Variants in PTCRA observed in about 807,000 individuals in gnomAD.
The protein encoded by PTCRA is pre T-cell antigen receptor alpha.
PTCRA carries 9 observed loss-of-function variants against 13.4 expected under a neutral mutation model. That is an observed-to-expected ratio of 0.67 (90% CI 0.41 to 1.18). The LOEUF is 1.18. Ranked by LOEUF, PTCRA falls within the 50% of genes most tolerant of loss-of-function variation. The pLI, the probability that PTCRA is intolerant of heterozygous loss-of-function variation, is 0.01. For synonymous variants in PTCRA, 153 were observed against 161.9 expected, an observed-to-expected ratio of 0.94 and a Z score of 0.42; for missense variants, 353 against 359.8, an observed-to-expected ratio of 0.98 and a Z score of 0.15.
intron 3 of PTCRA, 29 bp downstream of exon 3, chr6:42,924,302 T>A (rs1562530140): frequency 5.6e-6 from 9 of 1,609,102 alleles, no homozygotes; most frequent in Non-Finnish European, 6.8e-6. Context: ...GGGTGGGGAA[T>A]AAGAGGCTGG....
Position 42,916,065 on chromosome 6 carries a change from G to C in PTCRA, c.-5G>C. 6.2e-7 allele frequency: 1 copy of C among 1,613,664 alleles called. No homozygotes were observed. ...AGCTGGGTCCTGCCTCCTTCCGAGT[G>C]GGCCATGGCCGGTACATGGCTGCTA... On this transcript the variant is annotated 5_prime_UTR_variant, in exon 1 of 4. Coordinates refer to ENST00000304672, the MANE Select transcript of PTCRA (RefSeq NM_138296.3).
intron 1 of PTCRA, chr6:42,922,234 T>C (rs1171593906): frequency 2.8e-6 from 2 of 702,712 alleles, no homozygotes; most frequent in African/African-American, 3.5e-5. Context: ...TTTCCTTCCC[T>C]TCCTCACCAG....
chr6:42,924,784 A>G (rs879823608), intron 3 of PTCRA, among the ~76,000 whole-genome samples: 15 of 152,096 alleles, frequency 9.9e-5, no homozygotes, highest in Admixed American at 9.8e-4. Context: ...CAGCCTGGCC[A>G]ACATGGTGAA....
Position 42,925,436 on chromosome 6 carries a change from G to A in PTCRA, c.600G>A (p.Thr200=), listed in dbSNP as rs775271650. ...ALGSHRLHPA[T]ETGGREATSS... ...GCTCCCATCGACTGCACCCGGCCAC[G>A]GAGACTGGGGGACGAGAGGCCACCA... Residue 200 remains threonine, a synonymous_variant, in exon 4 of 4, where the codon ACG becomes ACA. Transcript: ENST00000304672. This position sits in a 1 kb window ranked among gnomAD's most constrained non-coding sequence, Gnocchi z 4.4. The A allele has an allele frequency of 3.3e-5, 51 of 1,554,952 alleles. No individual in the cohort carries two copies. Among genetic ancestry groups the A allele is most frequent in the Admixed American group, 7.8e-5 (4 of 51,508 alleles).
intron 1 of PTCRA, among the ~76,000 whole-genome samples, chr6:42,917,249 G>T (rs1440425554): frequency 6.8e-6 from 1 of 146,766 alleles, no homozygotes; most frequent in Non-Finnish European, 1.5e-5. Flanking sequence ...TTGAGACAGA[G>T]TCTCGCACTG....
chr6:42,921,412 CTTTTTT>C (rs59029514), intron 1 of PTCRA, among the ~76,000 whole-genome samples: 1 of 85,640 alleles, frequency 1.2e-5, no homozygotes, highest in Non-Finnish European at 2.1e-5. Flanking sequence ...AACAAAGCTT[CTTTTTT>C]TTTTTTTTTT....
chr6:42,916,648 C>A (rs1312087383), intron 1 of PTCRA, among the ~76,000 whole-genome samples: 2 of 152,166 alleles, frequency 1.3e-5, no homozygotes, highest in Non-Finnish European at 1.5e-5. Context: ...CCCAAGGCCT[C>A]TTCCCAGGGT....
In PTCRA at chr6:42,923,082, T is replaced by C; in HGVS notation, c.114T>C (p.Asp38=). 1 of 1,614,192 alleles carries C rather than the reference T, an allele frequency of 6.2e-7. No individual in the cohort carries two copies. ...CCCCACCAATCATGCTGCTGGTGGA[T>C]GGAAAGCAGCAGATGGTGGTGGTCT... is the stretch of plus-strand genomic sequence containing the variant. The part of the protein sequence containing the change: ...SLAPPIMLLV[D]GKQQMVVVCL... The change falls in exon 2 of 4, where the codon GAT becomes GAC. Residue 38 remains aspartate, a synonymous_variant. Coordinates refer to ENST00000304672, the MANE Select transcript of PTCRA (RefSeq NM_138296.3).
In PTCRA at chr6:42,923,086, A is replaced by G. The variant is rs781681295; in HGVS notation, c.118A>G (p.Lys40Glu). The G allele has an allele frequency of 5.6e-6, 9 of 1,614,188 alleles. No homozygotes were observed. The Admixed American group carries it at 1.2e-4, about 21-fold the overall frequency. Residue 40 changes from lysine (K) to glutamate (E), a missense_variant, in exon 2 of 4, where the codon AAG becomes GAG. Transcript: ENST00000304672. ...APPIMLLVDGKQQMVVVCLVL... is the reference protein window; with the variant it reads ...APPIMLLVDGEQQMVVVCLVL... ...ACCAATCATGCTGCTGGTGGATGGA[A>G]AGCAGCAGATGGTGGTGGTCTGCCT...
intron 1 of PTCRA, among the ~76,000 whole-genome samples, chr6:42,921,302 A>G (rs1767144877): frequency 6.7e-6 from 1 of 150,346 alleles, no homozygotes; most frequent in Non-Finnish European, 1.5e-5. Context: ...GGGTTCCACC[A>G]TGTTGGCCAG....
intron 1 of PTCRA, among the ~76,000 whole-genome samples, chr6:42,916,783 C>T (rs1766894508): frequency 6.6e-6 from 1 of 152,150 alleles, no homozygotes; most frequent in South Asian, 2.1e-4. Flanking sequence ...AGGTCCATGA[C>T]TTTTGAGTCA....
rs927149579 is a variant in PTCRA, at chr6:42,922,609, G to A, written c.59-418G>A. On this transcript the variant is annotated intron_variant, in intron 1 of 3. Coordinates refer to ENST00000304672, the MANE Select transcript of PTCRA (RefSeq NM_138296.3). ...ATAAAAATTAGCCGGGCGCTGTGGCGGGCACCTGTAGTCCCAGCTACTCAG... is the reference window on the plus strand; with the variant it reads ...ATAAAAATTAGCCGGGCGCTGTGGCAGGCACCTGTAGTCCCAGCTACTCAG... Among the ~76,000 whole-genome samples the A allele has an allele frequency of 5.3e-5, 8 of 151,970 alleles. No homozygotes were observed. The East Asian group carries it at 5.8e-4, about 11-fold the overall frequency.
intron 1 of PTCRA, among the ~76,000 whole-genome samples, chr6:42,922,647 G>A (rs1767237669): frequency 6.6e-6 from 1 of 152,034 alleles, no homozygotes; most frequent in Non-Finnish European, 1.5e-5. Flanking sequence ...GGCTGAGGCA[G>A]GAGAATGGCA....
At position 42,925,032 on chromosome 6, in the gene PTCRA, G is replaced by A. The variant is rs781520236; in HGVS notation, c.425-229G>A. ...GCATCAGATGCTAATTAATTCCTGC[G>A]TGGCCCCCACCCCTACCCCCATGAT... On this transcript the variant is annotated intron_variant, in intron 3 of 3. Transcript: ENST00000304672. The surrounding 1 kb of genome is among the most constrained non-coding windows in gnomAD (Gnocchi z 4.4). 1.1e-4 allele frequency among the ~76,000 whole-genome samples: 16 copies of A among 151,900 alleles called. No homozygotes were observed. Among genetic ancestry groups the A allele is most frequent in the Non-Finnish European group, 2.2e-4 (15 of 67,974 alleles).
In PTCRA at chr6:42,923,459, C is replaced by T. The variant is rs1421276179; in HGVS notation, c.379+112C>T. ...CACAAAGGCATGAAGGGTGTCCAAGCGCAGAGCCTCTGGGTGAGGTGACAC... is the reference window on the plus strand; with the variant it reads ...CACAAAGGCATGAAGGGTGTCCAAGTGCAGAGCCTCTGGGTGAGGTGACAC... On this transcript the variant is annotated intron_variant, in intron 2 of 3. Transcript: ENST00000304672. The T allele has an allele frequency of 2.0e-5, 21 of 1,039,248 alleles. No homozygotes were observed. In the South Asian group the frequency reaches 2.7e-4, roughly 13 times the overall value. 64.4% of individuals were successfully genotyped at this position (1,039,248 alleles called of 1,614,324 possible).
chr6:42,924,205 C>T (rs1767317884), intron 2 of PTCRA, 24 bp from the exon 3 acceptor site: 1 of 1,598,110 alleles, frequency 6.3e-7, no homozygotes, highest in Non-Finnish European at 8.5e-7. Flanking sequence ...CCCAAAGACT[C>T]ATTCGCTTCT....
chr6:42,918,895 T>G (rs946292570), intron 1 of PTCRA, among the ~76,000 whole-genome samples: 5 of 150,392 alleles, frequency 3.3e-5, no homozygotes, highest in Admixed American at 1.3e-4. Flanking sequence ...GTTCACGCCA[T>G]TCTCCTGCCT....
Position 42,923,792 on chromosome 6 carries a change from A to C in PTCRA, c.380-437A>C, listed in dbSNP as rs111265905. 1.7e-3 allele frequency among the ~76,000 whole-genome samples: 259 copies of C among 152,328 alleles called. 1 individual carries two copies. Among genetic ancestry groups the C allele is most frequent in the South Asian group, 7.3e-3 (35 of 4,826 alleles). ...TACAGGCACAGGGAGGTTAAGCAAC[A>C]TGTCTAAAGCCAGCTATTTTTGTTT... On this transcript the variant is annotated intron_variant, in intron 2 of 3. Transcript: ENST00000304672.
intron 1 of PTCRA, among the ~76,000 whole-genome samples, chr6:42,922,445 G>A (rs949763726): frequency 3.3e-5 from 5 of 152,138 alleles, no homozygotes; most frequent in Admixed American, 6.6e-5. Context: ...ATAGATGAAA[G>A]GTAGAAAGAA....
Sources: gnomAD v4.1 joint callset for allele counts (sites outside exome capture counted in the v4.1 genomes callset) on GRCh38, gnomAD v4.1.1 for gene constraint, Gnocchi (gnomAD v3.1) non-coding constraint, MANE v1.5 for transcripts, NCBI Gene and HGNC (gene_info 2026-07-23, HGNC 2026-07-21) for gene names.